SLC7A14: variants seen among roughly 807,000 people sequenced by gnomAD.
SLC7A14 encodes solute carrier family 7 member 14, also known as gamma-aminobutyric acid transporter SLC7A14.
A neutral mutation model predicts 60.2 loss-of-function variants in SLC7A14; 37 were observed. The observed-to-expected ratio is 0.61, with a 90% CI of 0.47 to 0.81. SLC7A14 has a LOEUF of 0.81. SLC7A14 is among the 30% of genes least tolerant of loss of function. SLC7A14 has a pLI of 0.00. For synonymous variants in SLC7A14, 399 were observed against 395.8 expected (o/e 1.01, Z -0.10); for missense variants, 886 against 982.7 (o/e 0.90, Z 1.32).
At chr3:170,569,495 G>A (rs957954443) in intron 1 of SLC7A14, among the ~76,000 whole-genome samples, 3 of 151,800 alleles carry the variant, frequency 2.0e-5, no homozygotes, top group Non-Finnish European at 4.4e-5. Context: ...GTCTCTGCCA[G>A]GCTTTGGTAT....
At chr3:170,496,817 T>C (rs150866765) in intron 4 of SLC7A14, among the ~76,000 whole-genome samples, 94 of 152,036 alleles carry the variant, frequency 6.2e-4, no homozygotes, top group Admixed American at 3.6e-3. Context: ...AGGGCCATGG[T>C]TGTGCAGAAG....
chr3:170,574,995 G>A (rs1715052476), intron 1 of SLC7A14, among the ~76,000 whole-genome samples: 1 of 147,960 alleles, frequency 6.8e-6, no homozygotes, highest in South Asian at 2.2e-4. Context: ...GAAGGGTGGA[G>A]GAAAAGTGGT....
In SLC7A14 at chr3:170,535,787, C is replaced by G. The variant is rs1344433015; in HGVS notation, c.-152-8699G>C. Among the ~76,000 whole-genome samples the G allele has an allele frequency of 6.6e-6, 1 of 152,352 alleles. No individual in the cohort carries two copies. The highest frequency in any genetic ancestry group is 1.9e-4 in the East Asian group (1 of 5,190). Reference sequence around the variant, plus strand: ...TCTGATAATTCTTTCTTTATCCCCCCTGTCATTTCAGGCAGTGGGTAGTAC... The same window carrying G: ...TCTGATAATTCTTTCTTTATCCCCCGTGTCATTTCAGGCAGTGGGTAGTAC... On this transcript the variant is annotated intron_variant, in intron 1 of 7. Coordinates refer to ENST00000231706, the MANE Select transcript of SLC7A14 (RefSeq NM_020949.3). This position sits in a 1 kb window ranked among gnomAD's most constrained non-coding sequence, Gnocchi z 4.3.
intron 4 of SLC7A14, among the ~76,000 whole-genome samples, chr3:170,488,962 G>A (rs1450576980): frequency 1.3e-5 from 2 of 151,664 alleles, no homozygotes; most frequent in Non-Finnish European, 2.9e-5. Flanking sequence ...TTCATCCAAC[G>A]TTTTCAAACG....
At chr3:170,474,343 A>G (rs1208122971) in intron 7 of SLC7A14, among the ~76,000 whole-genome samples, 1 of 152,178 alleles carries the variant, frequency 6.6e-6, no homozygotes, top group Non-Finnish European at 1.5e-5. Context: ...CTCAGCTGCC[A>G]CTGATTGCAA....
At chr3:170,580,200 T>A (rs1456539568) in intron 1 of SLC7A14, among the ~76,000 whole-genome samples, 1 of 152,240 alleles carries the variant, frequency 6.6e-6, no homozygotes, top group East Asian at 1.9e-4. Context: ...CACAACATTT[T>A]TGTGTCAAAA....
At chr3:170,524,376 A>G (rs1435652885) in intron 2 of SLC7A14, among the ~76,000 whole-genome samples, 1 of 152,210 alleles carries the variant, frequency 6.6e-6, no homozygotes, top group Non-Finnish European at 1.5e-5. Flanking sequence ...GGAAAAGTCT[A>G]GATTATATAC....
intron 1 of SLC7A14, among the ~76,000 whole-genome samples, chr3:170,558,620 AT>A (rs1714550719): frequency 6.6e-6 from 1 of 152,182 alleles, no homozygotes; most frequent in African/African-American, 2.4e-5. Context: ...AGCCAGTTTT[AT>A]TTTCAGATTA....
intron 2 of SLC7A14, among the ~76,000 whole-genome samples, chr3:170,526,096 A>C (rs1713488574): frequency 6.7e-6 from 1 of 149,952 alleles, no homozygotes; most frequent in Admixed American, 6.6e-5. Flanking sequence ...AACCCAGAAA[A>C]CAAACAACAA....
At chr3:170,485,512 C>G (rs2108271688) in intron 5 of SLC7A14, among the ~76,000 whole-genome samples, 1 of 152,198 alleles carries the variant, frequency 6.6e-6, no homozygotes. Flanking sequence ...TTGCCAGGGG[C>G]AGAGGGGGAT....
At chr3:170,558,611 G>A (rs1714550596) in intron 1 of SLC7A14, among the ~76,000 whole-genome samples, 1 of 152,114 alleles carries the variant, frequency 6.6e-6, no homozygotes, top group Non-Finnish European at 1.5e-5. Context: ...TGGGAAAATA[G>A]CCAGTTTTAT....
chr3:170,539,548 A>G (rs1577547303), intron 1 of SLC7A14, among the ~76,000 whole-genome samples: 1 of 152,084 alleles, frequency 6.6e-6, no homozygotes. Context: ...AGTTTCGAGT[A>G]ATTTATCTTG....
At chr3:170,556,162 C>T (rs536770909) in intron 1 of SLC7A14, among the ~76,000 whole-genome samples, 1 of 152,292 alleles carries the variant, frequency 6.6e-6, no homozygotes, top group Admixed American at 6.5e-5. Flanking sequence ...ATTATATCAT[C>T]TTTTTGCAAT....
intron 2 of SLC7A14, among the ~76,000 whole-genome samples, chr3:170,510,913 T>C (rs777635221): frequency 6.6e-6 from 1 of 152,220 alleles, no homozygotes; most frequent in Non-Finnish European, 1.5e-5. Context: ...GGTTTCACAT[T>C]TGATGCTCAG....
chr3:170,570,690 G>A (rs941985443), intron 1 of SLC7A14, among the ~76,000 whole-genome samples: 5 of 152,180 alleles, frequency 3.3e-5, no homozygotes, highest in Non-Finnish European at 7.3e-5. Context: ...CACTGGTAAA[G>A]TATTTCATTG....
At chr3:170,551,735 A>G (rs1217802475) in intron 1 of SLC7A14, among the ~76,000 whole-genome samples, 2 of 152,136 alleles carry the variant, frequency 1.3e-5, no homozygotes, top group Non-Finnish European at 2.9e-5. Context: ...AAAATGGGTT[A>G]TTTCTCTTTT....
chr3:170,549,053 C>T (rs542721175), intron 1 of SLC7A14, among the ~76,000 whole-genome samples: 18 of 152,130 alleles, frequency 1.2e-4, no homozygotes, highest in South Asian at 8.3e-4. Context: ...ACATAAAACA[C>T]TATAAATATT....
In SLC7A14 at chr3:170,526,946, T is replaced by C. The variant is rs1344779385; in HGVS notation, c.-10A>G. On this transcript the variant is annotated 5_prime_UTR_variant, in exon 2 of 8. Transcript: ENST00000231706. Reference sequence around the variant, plus strand: ...TGAAGAAGCCACTCATCTTGAGCGATAGGGGATGCAGTGAAGGTCAGCTGA... The same window carrying C: ...TGAAGAAGCCACTCATCTTGAGCGACAGGGGATGCAGTGAAGGTCAGCTGA... 1.9e-6 allele frequency: 3 copies of C among 1,609,362 alleles called. No homozygotes were observed. The highest frequency in any genetic ancestry group is 1.3e-5 in the African/African-American group (1 of 74,830).
intron 1 of SLC7A14, among the ~76,000 whole-genome samples, chr3:170,571,096 C>A (rs1254112513): frequency 6.6e-6 from 1 of 152,162 alleles, no homozygotes; most frequent in Non-Finnish European, 1.5e-5. Flanking sequence ...TTAAACTAAA[C>A]AAAATGGCCT....
Sources: allele counts gnomAD v4.1 joint callset (sites outside exome capture counted in the v4.1 genomes callset), GRCh38; gene constraint gnomAD v4.1.1; non-coding constraint Gnocchi (gnomAD v3.1); transcripts MANE v1.5; gene names NCBI Gene and HGNC (gene_info 2026-07-23, HGNC 2026-07-21).